Variants in PCDHGB1 observed in about 807,000 individuals in gnomAD.
PCDHGB1 encodes the protein protocadherin gamma-B1.
Under a neutral mutation model 56.6 loss-of-function variants are expected in PCDHGB1, and 34 were observed. The ratio of observed to expected loss-of-function variants is 0.60; its 90% CI spans 0.46 to 0.80. PCDHGB1 has a LOEUF of 0.80. PCDHGB1 is among the 30% of genes least tolerant of loss of function. PCDHGB1 has a pLI of 0.00. For missense variants in PCDHGB1, 1,278 were observed against 1,204.6 expected, an observed-to-expected ratio of 1.06 and a Z score of -0.90; for synonymous variants, 561 against 505.9, an observed-to-expected ratio of 1.11 and a Z score of -1.46.
At chr5:141,379,433 T>G (rs1775597873) in intron 1 of PCDHGB1, 1 of 152,256 alleles carries the variant, frequency 6.6e-6, no homozygotes. Flanking sequence ...AGATGGGCTG[T>G]TATACATATG....
rs749415234 is a variant in PCDHGB1, at chr5:141,419,462, C to A, written c.2409+66793C>A. On this transcript the variant is annotated intron_variant, in intron 1 of 3. Transcript: ENST00000523390. Reference sequence around the variant, plus strand: ...CACCTTCGAGCTCACGCTGCAGGCCCGCGACCAGGGCTCGCCCGCGCTCAG... The same window carrying A: ...CACCTTCGAGCTCACGCTGCAGGCCAGCGACCAGGGCTCGCCCGCGCTCAG... 2.5e-6 allele frequency: 4 copies of A among 1,612,582 alleles called. No homozygotes were observed. In the Admixed American group the frequency reaches 6.7e-5, roughly 27 times the overall value.
intron 1 of PCDHGB1, chr5:141,361,352 C>G: frequency 6.2e-7 from 1 of 1,613,998 alleles, no homozygotes; most frequent in Non-Finnish European, 8.5e-7. Flanking sequence ...AAACTAGTGA[C>G]AGACGGCGCT....
At chr5:141,413,086 A>T in intron 1 of PCDHGB1, 1 of 1,344,152 alleles carries the variant, frequency 7.4e-7, no homozygotes, top group Non-Finnish European at 1.0e-6. Flanking sequence ...GGCTACAGAG[A>T]CACCCTGAAG....
At chr5:141,398,866 T>TAC (rs775997367) in intron 1 of PCDHGB1, 28 of 1,613,844 alleles carry the variant, frequency 1.7e-5, no homozygotes, top group Non-Finnish European at 8.5e-7. Flanking sequence ...CCGAGACGTG[T>TAC]ACAGAGTCAG....
rs1015619417 is a variant in PCDHGB1 at position 141,455,526 on chromosome 5, C to T, written c.2410-39281C>T. Among the ~76,000 whole-genome samples the T allele has an allele frequency of 2.0e-5, 3 of 152,106 alleles. 1 individual carries two copies. Among genetic ancestry groups the T allele is most frequent in the South Asian group, 4.1e-4 (2 of 4,826 alleles). ...CATAGGGCTCAGGGGATTGGTTTGA[C>T]CAGGCATATCATTCACGTAGCCCGA... On this transcript the variant is annotated intron_variant, in intron 1 of 3. Coordinates refer to ENST00000523390, the MANE Select transcript of PCDHGB1 (RefSeq NM_018922.3).
Position 141,489,245 on chromosome 5 carries a change from G to A in PCDHGB1, c.2410-5562G>A, listed in dbSNP as rs773391205. 3 of 1,536,634 alleles carry A rather than the reference G, an allele frequency of 2.0e-6. No homozygotes were observed. The South Asian group carries it at 3.9e-5, about 20-fold the overall frequency. On this transcript the variant is annotated intron_variant, in intron 1 of 3. Transcript: ENST00000523390. The surrounding 1 kb of genome is among the most constrained non-coding windows in gnomAD (Gnocchi z 4.5). The stretch of plus-strand genomic sequence containing the variant: ...CCACAAAGGGACTTCTGGGTCATGG[G>A]GCCCAAGACACTCCCACAGCTCGCT...
chr5:141,366,629 C>T (rs1380295495), intron 1 of PCDHGB1: 1 of 1,614,252 alleles, frequency 6.2e-7, no homozygotes, highest in South Asian at 1.1e-5. Flanking sequence ...GAGGAAGAGT[C>T]ACCTGATCTT....
At chr5:141,408,226 GCGCCGGGCCGGCC>G (rs2095062452) in intron 1 of PCDHGB1, 1 of 1,562,288 alleles carries the variant, frequency 6.4e-7, no homozygotes, top group South Asian at 1.2e-5. Flanking sequence ...GCGCGCAGAG[GCGCCGGGCCGGCC>G]CGCGGCAGGT....
At chr5:141,474,854 T>G (rs1007461186) in intron 1 of PCDHGB1, among the ~76,000 whole-genome samples, 3 of 152,260 alleles carry the variant, frequency 2.0e-5, no homozygotes, top group African/African-American at 7.2e-5. Flanking sequence ...CCTGCCTTCT[T>G]CATTTAATAG....
chr5:141,501,290 TACACACACAC>T (rs55762287), intron 2 of PCDHGB1, among the ~76,000 whole-genome samples: 44 of 136,248 alleles, frequency 3.2e-4, no homozygotes, highest in Admixed American at 7.8e-4. Context: ...TATTCCCTTA[TACACACACAC>T]ACACACACAC....
At chr5:141,362,807 C>T (rs1762681821) in intron 1 of PCDHGB1, among the ~76,000 whole-genome samples, 1 of 152,214 alleles carries the variant, frequency 6.6e-6, no homozygotes, top group Non-Finnish European at 1.5e-5. Context: ...CTTTACATTA[C>T]TTCTCTCTGC....
At chr5:141,389,582 T>G (rs1266016569) in intron 1 of PCDHGB1, 7 of 1,613,028 alleles carry the variant, frequency 4.3e-6, no homozygotes, top group Non-Finnish European at 5.1e-6. Flanking sequence ...CCGCGCTGGG[T>G]CCCGACGGCT....
rs572457971 is a variant in PCDHGB1, at chr5:141,426,319, C to T, written c.2410-68488C>T. The T allele has an allele frequency of 1.5e-3, 257 of 175,598 alleles. 1 individual carries two copies. Among genetic ancestry groups the T allele is most frequent in the Non-Finnish European group, 1.2e-3 (99 of 79,820 alleles). 10.9% of individuals were successfully genotyped at this position (175,598 alleles called of 1,614,324 possible). ...CAGGGTGAAGCAGAGAAGCAGGACC[C>T]GGCAGTGGCAAGCACTCTTCCCTTT... is the stretch of plus-strand genomic sequence containing the variant. On this transcript the variant is annotated intron_variant, in intron 1 of 3. Coordinates refer to ENST00000523390, the MANE Select transcript of PCDHGB1 (RefSeq NM_018922.3).
At position 141,384,620 on chromosome 5, in the gene PCDHGB1, G is replaced by C. The variant is rs767421233; in HGVS notation, c.2409+31951G>C. On this transcript the variant is annotated intron_variant, in intron 1 of 3. Coordinates refer to ENST00000523390, the MANE Select transcript of PCDHGB1 (RefSeq NM_018922.3). ...GCCCTCCCCACAGATGGTTCTACTG[G>C]CATGGAGCTGGCACCCCGCTCCGCA... 6 of 1,614,082 alleles carry C rather than the reference G, an allele frequency of 3.7e-6. No homozygotes were observed. The African/African-American group carries it at 8.0e-5, about 22-fold the overall frequency.
intron 1 of PCDHGB1, chr5:141,389,495 G>A (rs751415442): frequency 4.3e-6 from 7 of 1,613,020 alleles, no homozygotes; most frequent in Non-Finnish European, 5.9e-6. Context: ...ACCAGGGCTC[G>A]CCAGCGCTCA....
chr5:141,414,783 G>C, intron 1 of PCDHGB1: 2 of 1,614,220 alleles, frequency 1.2e-6, no homozygotes, highest in Non-Finnish European at 1.7e-6. Context: ...AGATGCAGGT[G>C]ACAGCCAGCG....
Position 141,489,826 on chromosome 5 carries a change from C to G in PCDHGB1, c.2410-4981C>G. On this transcript the variant is annotated intron_variant, in intron 1 of 3. Transcript: ENST00000523390. This position sits in a 1 kb window ranked among gnomAD's most constrained non-coding sequence, Gnocchi z 4.5. The stretch of plus-strand genomic sequence containing the variant: ...TGGGAAGCCATTCCCAGAGCTGGTG[C>G]TAGAGCAGCAGCTGGATCGTGAAGC... 1 of 1,614,186 alleles carries G rather than the reference C, an allele frequency of 6.2e-7. No homozygotes were observed. The highest frequency in any genetic ancestry group is 8.5e-7 in the Non-Finnish European group (1 of 1,179,988).
intron 1 of PCDHGB1, chr5:141,421,719 C>T (rs2096595246): frequency 6.2e-7 from 1 of 1,613,942 alleles, no homozygotes; most frequent in Non-Finnish European, 8.5e-7. Flanking sequence ...CAGATGTGGG[C>T]GTGAACTCCC....
intron 1 of PCDHGB1, chr5:141,396,761 A>G (rs2093430785): frequency 6.6e-6 from 1 of 152,352 alleles, no homozygotes; most frequent in African/African-American, 2.4e-5. Context: ...GACCCAATAA[A>G]TGTTTGTTAT....
Sources: gnomAD v4.1 joint callset for allele counts (sites outside exome capture counted in the v4.1 genomes callset) on GRCh38, gnomAD v4.1.1 for gene constraint, Gnocchi (gnomAD v3.1) non-coding constraint, MANE v1.5 for transcripts, NCBI Gene and HGNC (gene_info 2026-07-23, HGNC 2026-07-21) for gene names.